Variants in MUC4 observed in about 807,000 individuals in gnomAD.
The protein encoded by MUC4 is mucin-4.
A neutral mutation model predicts 257.9 loss-of-function variants in MUC4; 202 were observed. That is an observed-to-expected ratio of 0.78 (90% confidence interval 0.70 to 0.88). MUC4 has a LOEUF of 0.88. Ranked by LOEUF, MUC4 falls within the 40% of genes least tolerant of loss-of-function variation. The pLI is 0.00. For missense variants in MUC4, 5,976 were observed against 6,513.7 expected, an observed-to-expected ratio of 0.92 and a Z score of 2.84; for synonymous variants, 2,351 against 2,757.1, an observed-to-expected ratio of 0.85 and a Z score of 4.62.
At position 195,767,516 on chromosome 3, in the gene MUC4, TCAC is replaced by T. The variant is rs1277281060; in HGVS notation, c.13530-768_13530-766del. 1.4e-3 allele frequency among the ~76,000 whole-genome samples: 82 copies of T among 59,278 alleles called. 2 individuals are homozygous for T. The highest frequency in any genetic ancestry group is 5.5e-3 in the African/African-American group (78 of 14,128). 38.9% of individuals were successfully genotyped at this position (59,278 alleles called of 152,430 possible). On this transcript the variant is annotated intron_variant, in intron 7 of 24. Transcript: ENST00000463781. ...ATCACCATCACCACCACCATCACCA[TCAC>T]CACCACCATCGCCACCACCATCATC...
rs1049297071 is a variant in MUC4 at position 195,760,087 on chromosome 3, C to A, written c.14848+797G>T. Among the ~76,000 whole-genome samples, 10 of 152,242 alleles carry A rather than the reference C, an allele frequency of 6.6e-5. No individual in the cohort carries two copies. The South Asian group carries it at 2.1e-3, about 32-fold the overall frequency. On this transcript the variant is annotated intron_variant, in intron 16 of 24. Transcript: ENST00000463781. The stretch of plus-strand genomic sequence containing the variant: ...TTCATTCAGTCAGTCATTTAACAAA[C>A]ATTTATTGAGCTAAGTGGCTGGCAC...
rs536360499 is a variant in MUC4, at chr3:195,765,118, G to T, written c.13803C>A (p.Arg4601=). Residue 4601 remains arginine, a synonymous_variant, in exon 10 of 25, where the codon CGC becomes CGA. Coordinates refer to ENST00000463781, the MANE Select transcript of MUC4 (RefSeq NM_018406.7). The part of the protein sequence containing the change: ...DLRFQPVSIG[R]WGLGSRQLCS... ...ACAGCTGCCTACTGCCGAGGCCCCAGCGACCTGAAACAAGTCCAGTCCCAC... is the reference window on the plus strand; with the variant it reads ...ACAGCTGCCTACTGCCGAGGCCCCATCGACCTGAAACAAGTCCAGTCCCAC... 6.2e-7 allele frequency: 1 copy of T among 1,612,376 alleles called. No individual in the cohort carries two copies.
Position 195,780,401 on chromosome 3 carries a change from T to G in MUC4, c.11179A>C (p.Thr3727Pro). The change falls in exon 2 of 25, where the codon ACC (threonine) becomes CCC (proline). Residue 3727 changes from threonine (T) to proline (P), a missense_variant. By Grantham distance (38) the Thr-to-Pro change is conservative. This residue lies in a region of MUC4 where 330 missense variants were observed against 262.0 expected (regional missense o/e 1.26). Coordinates refer to ENST00000463781, the MANE Select transcript of MUC4 (RefSeq NM_018406.7). ...GAAGGGCTGGTGACATGAAGAGGGG[T>G]GACGTGACCTGTAGATACTGAGGAA... ...STSSVSTGHVTPLHVTSPSSA... is the reference protein window; with the variant it reads ...STSSVSTGHVPPLHVTSPSSA... 6.5e-7 allele frequency: 1 copy of G among 1,528,530 alleles called. No homozygotes were observed. Among genetic ancestry groups the G allele is most frequent in the Non-Finnish European group, 8.8e-7 (1 of 1,140,504 alleles). The allele number at this position is 1,528,530 out of a possible 1,614,324, so 94.7% of individuals were successfully genotyped here.
rs879709776 is a variant in MUC4 at position 195,780,925 on chromosome 3, G to C, written c.10655C>G (p.Pro3552Arg). 8.1e-5 allele frequency: 121 copies of C among 1,498,928 alleles called. 5 individuals are homozygous for C. In the African/African-American group the frequency reaches 1.6e-3, roughly 20 times the overall value. The allele number at this position is 1,498,928 out of a possible 1,614,324, so 92.9% of individuals were successfully genotyped here. Reference sequence around the variant, plus strand: ...CGAGGAAGCGTCGGTGACAGGAAGAGGGGTGGTGTCACCTGTGGATACTGA... The same window carrying C: ...CGAGGAAGCGTCGGTGACAGGAAGACGGGTGGTGTCACCTGTGGATACTGA... Reference protein sequence around the residue: ...LSSVSTGDTTPLPVTDASSAS... With the variant: ...LSSVSTGDTTRLPVTDASSAS... The change falls in exon 2 of 25, where the codon CCT becomes CGT. Residue 3552 changes from proline (P) to arginine (R), a missense_variant. Transcript: ENST00000463781.
intron 1 of MUC4, among the ~76,000 whole-genome samples, chr3:195,808,284 C>T (rs1036751465): frequency 2.0e-5 from 3 of 151,832 alleles, no homozygotes; most frequent in Non-Finnish European, 2.9e-5. Flanking sequence ...GCTGCCATTT[C>T]GGCTCCCTGC....
At position 195,789,033 on chromosome 3, in the gene MUC4, G is replaced by A. The variant is rs373248779; in HGVS notation, c.2547C>T (p.Ser849=). Residue 849 remains serine, a synonymous_variant, in exon 2 of 25, where the codon TCC becomes TCT. Coordinates refer to ENST00000463781, the MANE Select transcript of MUC4 (RefSeq NM_018406.7). The part of the protein sequence containing the change: ...HTTQSTTELL[S]ASASHGAIPV... ...GGATGGCACCATGACTGGCTGAGGC[G>A]GACAGCAATTCGGTTGTTGACTGGG... 3.2e-5 allele frequency: 51 copies of A among 1,613,836 alleles called. No homozygotes were observed. Among genetic ancestry groups the A allele is most frequent in the Middle Eastern group, 3.3e-4 (2 of 6,062 alleles).
At chr3:195,763,396 G>T (rs1441445410) in intron 12 of MUC4, 37 bp downstream of exon 12, 1 of 1,394,078 alleles carries the variant, frequency 7.2e-7, no homozygotes, top group Admixed American at 3.3e-5. Context: ...GTCCCTGTGG[G>T]TGGAATGCAG....
intron 24 of MUC4, among the ~76,000 whole-genome samples, chr3:195,748,589 G>A (rs1184393990): frequency 2.6e-5 from 4 of 152,262 alleles, no homozygotes; most frequent in Non-Finnish European, 4.4e-5. Context: ...AAAAATGTTT[G>A]GCTTTGGAAA....
chr3:195,764,044 C>T lies in MUC4; in HGVS notation c.14044+1G>A. 2 of 1,608,994 alleles carry T rather than the reference C, an allele frequency of 1.2e-6. No homozygotes were observed. The highest frequency in any genetic ancestry group is 1.7e-6 in the Non-Finnish European group (2 of 1,178,018). On this transcript the variant is annotated splice_donor_variant, in intron 11 of 24. Coordinates refer to ENST00000463781, the MANE Select transcript of MUC4 (RefSeq NM_018406.7). LOFTEE classifies it high-confidence loss of function. ...TCCTGGGCCTGGGCCCTGTCGCTCACCGGGCTGTGGGGGCCTGTATGTAGC... is the reference window on the plus strand; with the variant it reads ...TCCTGGGCCTGGGCCCTGTCGCTCATCGGGCTGTGGGGGCCTGTATGTAGC...
rs1479950747 is a variant in MUC4 at position 195,767,751 on chromosome 3, C to T, written c.13530-1000G>A. Among the ~76,000 whole-genome samples the T allele has an allele frequency of 5.7e-5, 5 of 88,244 alleles. 1 individual carries two copies. The highest frequency in any genetic ancestry group is 2.1e-4 in the Admixed American group (2 of 9,712). 57.9% of individuals were successfully genotyped at this position (88,244 alleles called of 152,430 possible). ...ATCACCACCACCATCACCATCGCCACCACCACCATCACCACCACCACCACC... is the reference window on the plus strand; with the variant it reads ...ATCACCACCACCATCACCATCGCCATCACCACCATCACCACCACCACCACC... On this transcript the variant is annotated intron_variant, in intron 7 of 24. Transcript: ENST00000463781.
intron 7 of MUC4, among the ~76,000 whole-genome samples, chr3:195,767,721 C>T (rs1442135788): frequency 6.7e-5 from 3 of 45,110 alleles, no homozygotes; most frequent in Non-Finnish European, 1.2e-4. Flanking sequence ...TCGGCCACCA[C>T]CACCATCACC....
rs149618210 is a variant in MUC4 at position 195,775,374 on chromosome 3, C to T, written c.12944-1069G>A. Among the ~76,000 whole-genome samples, 671 of 143,964 alleles carry T rather than the reference C, an allele frequency of 4.7e-3. 29 individuals carry two copies. The highest frequency in any genetic ancestry group is 7.4e-3 in the Middle Eastern group (2 of 270). 94.4% of individuals were successfully genotyped at this position (143,964 alleles called of 152,430 possible). A position where few individuals can be genotyped will look rare whatever the true frequency, so the allele number is the denominator to read the frequency against. On this transcript the variant is annotated intron_variant, in intron 3 of 24. Transcript: ENST00000463781. Reference sequence around the variant, plus strand: ...GGACGACTTTCTGCAGCCATACCTACCACACTCGTACCTTCCACACCCATA... The same window carrying T: ...GGACGACTTTCTGCAGCCATACCTATCACACTCGTACCTTCCACACCCATA...
intron 18 of MUC4, among the ~76,000 whole-genome samples, 200 bp downstream of exon 18, chr3:195,756,947 C>T (rs531370480): frequency 6.6e-6 from 1 of 152,292 alleles, no homozygotes; most frequent in South Asian, 2.1e-4. Flanking sequence ...AGGCGTGAGC[C>T]ACTGCACCCG....
chr3:195,798,212 A>C (rs947438861), intron 1 of MUC4, among the ~76,000 whole-genome samples: 8 of 152,226 alleles, frequency 5.3e-5, no homozygotes, highest in African/African-American at 1.9e-4. Flanking sequence ...TGGTGACCAA[A>C]AAAAGTACAT....
In MUC4 at chr3:195,810,488, C is replaced by T. The variant is rs76770075; in HGVS notation, c.82+1248G>A. ...GTGTGGGGAAGAGGACGGGGGCCCCCGAGGGAACATCTCCCACAGGCCTGG... is the reference window on the plus strand; with the variant it reads ...GTGTGGGGAAGAGGACGGGGGCCCCTGAGGGAACATCTCCCACAGGCCTGG... On this transcript the variant is annotated intron_variant, in intron 1 of 24. Coordinates refer to ENST00000463781, the MANE Select transcript of MUC4 (RefSeq NM_018406.7). The surrounding 1 kb of genome is among the most constrained non-coding windows in gnomAD (Gnocchi z 4.2). 0.13 allele frequency among the ~76,000 whole-genome samples: 20,420 copies of T among 152,182 alleles called. 1,556 individuals are homozygous for T. The highest frequency in any genetic ancestry group is 0.18 in the Non-Finnish European group (12,109 of 67,998).
At position 195,808,837 on chromosome 3, in the gene MUC4, G is replaced by C. The variant is rs1736323831; in HGVS notation, c.82+2899C>G. On this transcript the variant is annotated intron_variant, in intron 1 of 24. Transcript: ENST00000463781. ...AGAGGGGCAGAGGGGTCTGTGGAGA[G>C]TTTTGGTGTCCTCGGTGGCAAGTTG... Among the ~76,000 whole-genome samples the C allele has an allele frequency of 2.0e-5, 3 of 152,200 alleles. No homozygotes were observed. In the South Asian group the frequency reaches 6.2e-4, roughly 32 times the overall value.
At chr3:195,749,407 T>C (rs1230362075) in intron 23 of MUC4, among the ~76,000 whole-genome samples, 1 of 152,220 alleles carries the variant, frequency 6.6e-6, no homozygotes, top group Non-Finnish European at 1.5e-5. Context: ...GTGGCCAGAC[T>C]TGGGTGGAAA....
chr3:195,811,136 TTTTATTTTATA>T (rs927009164), intron 1 of MUC4, among the ~76,000 whole-genome samples: 1 of 149,884 alleles, frequency 6.7e-6, no homozygotes, highest in African/African-American at 2.4e-5. Context: ...TTATTTTTTA[TTTTATTTTATA>T]TTTATTTATT....
At chr3:195,778,560 C>T (rs1578182428) in intron 2 of MUC4, 105 bp from the exon 3 acceptor site, 2 of 1,464,078 alleles carry the variant, frequency 1.4e-6, no homozygotes, top group Non-Finnish European at 9.3e-7. Context: ...CTGGAAACTC[C>T]TTGTCTCTCC....
Sources: gnomAD v4.1 joint callset for allele counts (sites outside exome capture counted in the v4.1 genomes callset) on GRCh38, gnomAD v4.1.1 for gene constraint, gnomAD v4.1.1 regional missense constraint, Gnocchi (gnomAD v3.1) non-coding constraint, MANE v1.5 for transcripts, NCBI Gene and HGNC (gene_info 2026-07-23, HGNC 2026-07-21) for gene names.